Variants in PKHD1L1 observed in about 807,000 individuals in gnomAD.
PKHD1L1 encodes the protein fibrocystin-L.
In PKHD1L1, 434 loss-of-function variants were observed where a neutral mutation model predicts 462.9. The ratio of observed to expected loss-of-function variants is 0.94; its 90% CI spans 0.87 to 1.02. The LOEUF (loss-of-function observed/expected upper bound fraction) is 1.02. Ranked by LOEUF, PKHD1L1 falls within the 50% of genes least tolerant of loss-of-function variation. The pLI is 0.00. For synonymous variants in PKHD1L1, 1,781 were observed against 1,750.0 expected (o/e 1.02, Z -0.44); for missense variants, 5,202 against 5,096.1 (o/e 1.02, Z -0.63).
chr8:109,424,573 C>G (rs757520006), intron 23 of PKHD1L1, among the ~76,000 whole-genome samples: 4 of 152,068 alleles, frequency 2.6e-5, no homozygotes, highest in Admixed American at 6.6e-5. Flanking sequence ...TTTGCTGCTT[C>G]TGTCAATTGA....
chr8:109,459,793 G>C lies in PKHD1L1; in HGVS notation c.7203G>C (p.Glu2401Asp). Residue 2401 changes from glutamate (E) to aspartate (D), a missense_variant, in exon 47 of 78, where the codon GAG becomes GAC. Glu to Asp is a conservative substitution (Grantham distance 45). Around this residue, in one of 3 missense-constraint regions of PKHD1L1, gnomAD observed 4,497 missense variants for 4,336.8 expected, o/e 1.04. Coordinates refer to ENST00000378402, the MANE Select transcript of PKHD1L1 (RefSeq NM_177531.6). Reference sequence around the variant, plus strand: ...TAATAAGAGGATCTGATAATGTTGAGTGGAATAACAAAATTCCTGCATGTC... The same window carrying C: ...TAATAAGAGGATCTGATAATGTTGACTGGAATAACAAAATTCCTGCATGTC... ...NILIRGSDNV[E>D]WNNKIPACPD... The C allele has an allele frequency of 6.2e-7, 1 of 1,611,500 alleles. No homozygotes were observed. Among genetic ancestry groups the C allele is most frequent in the Non-Finnish European group, 8.5e-7 (1 of 1,178,556 alleles).
rs570613579 is a variant in PKHD1L1, at chr8:109,408,578, C to G, written c.1971+372C>G. 1.5e-3 allele frequency among the ~76,000 whole-genome samples: 233 copies of G among 152,200 alleles called. 1 individual carries two copies. The highest frequency in any genetic ancestry group is 5.5e-3 in the African/African-American group (228 of 41,534). ...GAGATGTAGTGCAATAAAAGCTTAG[C>G]TATAAAGTATTGGTTAGTTTAAATA... On this transcript the variant is annotated intron_variant, in intron 18 of 77. Transcript: ENST00000378402.
intron 14 of PKHD1L1, 37 bp downstream of exon 14, chr8:109,401,625 A>G (rs181889796): frequency 3.6e-5 from 39 of 1,092,942 alleles, no homozygotes; most frequent in South Asian, 2.5e-4. Flanking sequence ...ACTGTGTGGT[A>G]TTTATAAGCT....
intron 46 of PKHD1L1, among the ~76,000 whole-genome samples, chr8:109,457,519 A>T (rs1449238677): frequency 6.6e-6 from 1 of 152,140 alleles, no homozygotes; most frequent in Non-Finnish European, 1.5e-5. Context: ...GATAAATCCT[A>T]TTTGAGAGTT....
In PKHD1L1 at chr8:109,464,499, A is replaced by T; in HGVS notation, c.7667A>T (p.Asp2556Val). The change falls in exon 49 of 78, where the codon GAT becomes GTT. Residue 2556 changes from aspartate (D) to valine (V), a missense_variant. By Grantham distance (152) the Asp-to-Val change is radical. This residue lies in a region of PKHD1L1 where 4,497 missense variants were observed against 4,336.8 expected (regional missense o/e 1.04). Transcript: ENST00000378402. ...CAAAGTACCAGTCTTCTGAATGATG[A>T]TGTGACCCCGGCTGCATTTTGGGTC... ...VQQSTSLLND[D>V]VTPAAFWVTN... 1 of 1,613,736 alleles carries T rather than the reference A, an allele frequency of 6.2e-7. No homozygotes were observed.
rs763434863 is a variant in PKHD1L1, at chr8:109,490,985, G to A, written c.9998G>A (p.Gly3333Asp). 1.2e-6 allele frequency: 2 copies of A among 1,605,790 alleles called. No homozygotes were observed. Among genetic ancestry groups the A allele is most frequent in the Non-Finnish European group, 1.7e-6 (2 of 1,174,384 alleles). ...FLNLGQIQEH[G>D]SSYIRGCAFH... is the part of the protein sequence containing the mutation. ...AATGTTGTATAGATTCAAGAACATG[G>A]CTCATCTTATATTCGAGGCTGTGCT... Residue 3333 changes from glycine to aspartate, a missense_variant, in exon 61 of 78, where the codon GGC becomes GAC. Gly to Asp is a moderately conservative substitution (Grantham distance 94). Around this residue, in one of 3 missense-constraint regions of PKHD1L1, gnomAD observed 4,497 missense variants for 4,336.8 expected, o/e 1.04. Transcript: ENST00000378402.
intron 73 of PKHD1L1, among the ~76,000 whole-genome samples, chr8:109,520,007 C>T (rs923231790): frequency 9.2e-5 from 14 of 152,116 alleles, no homozygotes; most frequent in African/African-American, 3.1e-4. Flanking sequence ...ACCCTATGCA[C>T]CTACCACATT....
At chr8:109,376,497 AC>A (rs1342649440) in intron 2 of PKHD1L1, among the ~76,000 whole-genome samples, 2 of 152,056 alleles carry the variant, frequency 1.3e-5, no homozygotes, top group African/African-American at 2.4e-5. Flanking sequence ...AGTGCGCTGC[AC>A]CCACTGTCCT....
At chr8:109,379,035 G>T (rs1199226179) in intron 2 of PKHD1L1, among the ~76,000 whole-genome samples, 2 of 152,148 alleles carry the variant, frequency 1.3e-5, no homozygotes, top group African/African-American at 4.8e-5. Context: ...CATGAAGAAT[G>T]GCCATGGGGT....
At chr8:109,424,927 C>A (rs980300401) in intron 23 of PKHD1L1, among the ~76,000 whole-genome samples, 158 bp from the exon 24 acceptor site, 3 of 152,080 alleles carry the variant, frequency 2.0e-5, no homozygotes, top group Non-Finnish European at 2.9e-5. Flanking sequence ...ATAGGTATGG[C>A]CTGTGTTGAT....
At chr8:109,457,531 G>C (rs752999941) in intron 46 of PKHD1L1, among the ~76,000 whole-genome samples, 2 of 152,090 alleles carry the variant, frequency 1.3e-5, no homozygotes, top group Non-Finnish European at 2.9e-5. Context: ...TTGAGAGTTT[G>C]CAAAGCCAGT....
intron 12 of PKHD1L1, 89 bp from the exon 13 acceptor site, chr8:109,399,987 A>T (rs1813186904): frequency 1.5e-6 from 2 of 1,363,814 alleles, no homozygotes; most frequent in Non-Finnish European, 2.0e-6. Context: ...ATTGATATAC[A>T]AAATCTATAA....
At chr8:109,429,508 T>A (rs1186156288) in intron 26 of PKHD1L1, 46 bp downstream of exon 26, 1 of 1,540,908 alleles carries the variant, frequency 6.5e-7, no homozygotes, top group Admixed American at 1.9e-5. Context: ...ATTTTAATAG[T>A]ATAACTAGTT....
At chr8:109,522,694 T>C (rs1820610010) in intron 74 of PKHD1L1, 50 bp from the exon 75 acceptor site, 1 of 1,518,542 alleles carries the variant, frequency 6.6e-7, no homozygotes, top group Non-Finnish European at 8.8e-7. Flanking sequence ...AGTTTGCTGC[T>C]GAGTGTAGTT....
At chr8:109,365,480 A>T (rs1335747011) in intron 2 of PKHD1L1, among the ~76,000 whole-genome samples, 1 of 152,194 alleles carries the variant, frequency 6.6e-6, no homozygotes, top group Admixed American at 6.5e-5. Flanking sequence ...CTTCTACATT[A>T]TAAACAATAT....
At chr8:109,446,674 A>T (rs1474842183) in intron 38 of PKHD1L1, among the ~76,000 whole-genome samples, 1 of 152,190 alleles carries the variant, frequency 6.6e-6, no homozygotes, top group East Asian at 1.9e-4. Context: ...ATGTGGTTGT[A>T]ATCATTGCAA....
At position 109,406,461 on chromosome 8, in the gene PKHD1L1, C is replaced by T; in HGVS notation, c.1796C>T (p.Thr599Ile). The change falls in exon 17 of 78, where the codon ACA becomes ATA. Residue 599 changes from threonine (T) to isoleucine (I), a missense_variant. By Grantham distance (89) the Thr-to-Ile change is moderately conservative (BLOSUM62 -1). This residue lies in a region of PKHD1L1 where 4,497 missense variants were observed against 4,336.8 expected (regional missense o/e 1.04). Coordinates refer to ENST00000378402, the MANE Select transcript of PKHD1L1 (RefSeq NM_177531.6). ...QNPQSYVYMV[T>I]FISTRGDFDL... ...CCCCAGAGCTATGTCTACATGGTAA[C>T]ATTCATATCAACTAGAGGTAAGCAT... 2.5e-6 allele frequency: 4 copies of T among 1,601,760 alleles called. No individual in the cohort carries two copies. Among genetic ancestry groups the T allele is most frequent in the Non-Finnish European group, 3.4e-6 (4 of 1,173,880 alleles).
intron 73 of PKHD1L1, among the ~76,000 whole-genome samples, chr8:109,519,173 G>A (rs7843815): frequency 0.02 from 2,995 of 152,114 alleles, 91 homozygotes; most frequent in African/African-American, 0.061. Flanking sequence ...GTGACTGAGC[G>A]AATCATCCTC....
intron 9 of PKHD1L1, among the ~76,000 whole-genome samples, chr8:109,393,794 A>T (rs1420266859): frequency 1.3e-5 from 2 of 152,252 alleles, no homozygotes; most frequent in Non-Finnish European, 2.9e-5. Flanking sequence ...GTTCTAAAAG[A>T]AGACAGACTG....
Sources: allele counts gnomAD v4.1 joint callset (sites outside exome capture counted in the v4.1 genomes callset), GRCh38; gene constraint gnomAD v4.1.1; regional missense constraint gnomAD v4.1.1; transcripts MANE v1.5; gene names NCBI Gene and HGNC (gene_info 2026-07-23, HGNC 2026-07-21).